Variants in PIBF1 observed in about 807,000 individuals in gnomAD.
PIBF1 encodes progesterone immunomodulatory binding factor 1.
A neutral mutation model predicts 112.5 loss-of-function variants in PIBF1; 90 were observed. The ratio of observed to expected loss-of-function variants is 0.80; its 90% confidence interval spans 0.67 to 0.95. The LOEUF is 0.95. PIBF1 is among the 40% of genes least tolerant of loss of function. The probability of loss-of-function intolerance (pLI) is 0.00; values close to 1 mark genes in which losing one functional copy is unlikely to be tolerated. For synonymous variants in PIBF1, 301 were observed against 288.6 expected (o/e 1.04, Z -0.44); for missense variants, 915 against 852.3 (o/e 1.07, Z -0.92).
At chr13:72,811,079 C>T (rs1300035227) in intron 5 of PIBF1, among the ~76,000 whole-genome samples, 2 of 152,088 alleles carry the variant, frequency 1.3e-5, no homozygotes, top group African/African-American at 4.8e-5. Flanking sequence ...CCAGGATGGT[C>T]TTGATCTCCT....
chr13:72,864,866 A>G (rs962356105), intron 10 of PIBF1, among the ~76,000 whole-genome samples: 11 of 152,184 alleles, frequency 7.2e-5, no homozygotes, highest in African/African-American at 1.9e-4. Context: ...CTGGTCCACA[A>G]TGAGTCATTT....
At chr13:72,856,656 C>T (rs2038435169) in intron 10 of PIBF1, among the ~76,000 whole-genome samples, 1 of 152,024 alleles carries the variant, frequency 6.6e-6, no homozygotes, top group Non-Finnish European at 1.5e-5. Flanking sequence ...TAACAAAATG[C>T]TTAAAATAGC....
intron 10 of PIBF1, among the ~76,000 whole-genome samples, chr13:72,867,698 A>C (rs1332373321): frequency 1.3e-5 from 2 of 152,228 alleles, no homozygotes; most frequent in Non-Finnish European, 1.5e-5. Context: ...TAAATTATAA[A>C]GAAGATCCAT....
intron 4 of PIBF1, 125 bp downstream of exon 4, chr13:72,795,682 A>G: frequency 3.1e-6 from 2 of 641,708 alleles, no homozygotes; most frequent in Non-Finnish European, 2.7e-6. Flanking sequence ...TGGATGGTGA[A>G]TGGTGTTGAG....
intron 16 of PIBF1, among the ~76,000 whole-genome samples, chr13:72,983,347 C>T (rs556967425): frequency 1.3e-5 from 2 of 152,278 alleles, no homozygotes; most frequent in Admixed American, 6.5e-5. Flanking sequence ...CTTCTATCCT[C>T]TCATTGCAGT....
chr13:72,805,042 C>T (rs767094347), intron 5 of PIBF1, among the ~76,000 whole-genome samples: 2 of 152,128 alleles, frequency 1.3e-5, no homozygotes, highest in Non-Finnish European at 2.9e-5. Context: ...GGTACAGTCT[C>T]GGCTCACTGG....
At position 72,965,269 on chromosome 13, in the gene PIBF1, T is replaced by G; in HGVS notation, c.1834-5T>G. On this transcript the variant is annotated splice_region_variant and splice_polypyrimidine_tract_variant and intron_variant, in intron 14 of 17. Coordinates refer to ENST00000326291, the MANE Select transcript of PIBF1 (RefSeq NM_006346.4). ...TAGATTTTAATGAAACCTGTGTTTCTTTAGCTTGACAGAGCCAATTCGCTA... is the reference window on the plus strand; with the variant it reads ...TAGATTTTAATGAAACCTGTGTTTCGTTAGCTTGACAGAGCCAATTCGCTA... 6.2e-7 allele frequency: 1 copy of G among 1,604,890 alleles called. No homozygotes were observed. The highest frequency in any genetic ancestry group is 8.5e-7 in the Non-Finnish European group (1 of 1,176,850).
chr13:72,856,440 C>A (rs999353352), intron 10 of PIBF1, among the ~76,000 whole-genome samples: 2 of 152,042 alleles, frequency 1.3e-5, no homozygotes, highest in Non-Finnish European at 2.9e-5. Context: ...CAATTTTCAG[C>A]CAACCTTAAA....
chr13:72,895,931 G>A (rs755367223), intron 11 of PIBF1, among the ~76,000 whole-genome samples: 1 of 152,080 alleles, frequency 6.6e-6, no homozygotes, highest in Admixed American at 6.5e-5. Flanking sequence ...CTGTTGTGTT[G>A]GGGGGAGCCA....
chr13:72,982,283 A>T (rs2043175593), intron 16 of PIBF1, among the ~76,000 whole-genome samples: 1 of 152,132 alleles, frequency 6.6e-6, no homozygotes, highest in South Asian at 2.1e-4. Context: ...AAAAAATATG[A>T]AAATTATCCA....
intron 10 of PIBF1, among the ~76,000 whole-genome samples, chr13:72,873,267 C>G (rs955428451): frequency 2.6e-5 from 4 of 151,890 alleles, no homozygotes; most frequent in Non-Finnish European, 5.9e-5. Flanking sequence ...TTCATACATA[C>G]AAAAATTAAT....
In PIBF1 at chr13:72,810,050, T is replaced by A. The variant is rs957438805; in HGVS notation, c.673-11799T>A. The stretch of plus-strand genomic sequence containing the variant: ...CTGGAAAATAGGGCTCATCTTTTAC[T>A]TCAAGTCCGGAGTTTATTTAAAAGT... On this transcript the variant is annotated intron_variant, in intron 5 of 17. Coordinates refer to ENST00000326291, the MANE Select transcript of PIBF1 (RefSeq NM_006346.4). Among the ~76,000 whole-genome samples the A allele has an allele frequency of 3.3e-5, 5 of 152,236 alleles. No homozygotes were observed. In the East Asian group the frequency reaches 9.6e-4, roughly 29 times the overall value.
In PIBF1 at chr13:72,973,950, A is replaced by G. The variant is rs545936158; in HGVS notation, c.2049+275A>G. 26 of 411,984 alleles carry G rather than the reference A, an allele frequency of 6.3e-5. 1 individual carries two copies. In the South Asian group the frequency reaches 2.0e-3, roughly 32 times the overall value. The allele number at this position is 411,984 out of a possible 1,614,324, so 25.5% of individuals were successfully genotyped here. On this transcript the variant is annotated intron_variant, in intron 16 of 17. Transcript: ENST00000326291. ...CTGTTTTATCTTATTCTGCAACTAG[A>G]CAGTTAATTTCCTTAGTGTGCCTCT... is the stretch of plus-strand genomic sequence containing the variant.
intron 11 of PIBF1, among the ~76,000 whole-genome samples, chr13:72,897,894 T>G (rs537084039): frequency 6.6e-6 from 1 of 152,314 alleles, no homozygotes; most frequent in Admixed American, 6.5e-5. Flanking sequence ...GAGAGGTCTT[T>G]AAGACAGAAA....
chr13:72,894,772 AG>A (rs2040205951), intron 11 of PIBF1, among the ~76,000 whole-genome samples: 1 of 137,218 alleles, frequency 7.3e-6, no homozygotes, highest in African/African-American at 2.8e-5. Flanking sequence ...ATATATATAT[AG>A]TGTGTGTGTG....
At chr13:72,950,381 G>C (rs1305807751) in intron 14 of PIBF1, among the ~76,000 whole-genome samples, 1 of 152,084 alleles carries the variant, frequency 6.6e-6, no homozygotes, top group African/African-American at 2.4e-5. Context: ...GAACTTTGTT[G>C]ACTTTTTTGA....
intron 10 of PIBF1, among the ~76,000 whole-genome samples, chr13:72,857,228 C>G (rs1021944298): frequency 6.6e-6 from 1 of 152,170 alleles, no homozygotes; most frequent in African/African-American, 2.4e-5. Flanking sequence ...TACCTCATAA[C>G]TTACACCAAG....
At chr13:72,970,662 T>A (rs1270222463) in intron 15 of PIBF1, 1 of 152,206 alleles carries the variant, frequency 6.6e-6, no homozygotes, top group Non-Finnish European at 1.5e-5. Flanking sequence ...GAGATTTGTT[T>A]TGTAGTTGTT....
chr13:73,008,718 G>T (rs895379581), intron 17 of PIBF1, among the ~76,000 whole-genome samples: 1 of 152,122 alleles, frequency 6.6e-6, no homozygotes, highest in Non-Finnish European at 1.5e-5. Flanking sequence ...AGAAGTCCTC[G>T]ATTTGCCCAC....
Sources: allele counts gnomAD v4.1 joint callset (sites outside exome capture counted in the v4.1 genomes callset), GRCh38; gene constraint gnomAD v4.1.1; transcripts MANE v1.5; gene names NCBI Gene and HGNC (gene_info 2026-07-23, HGNC 2026-07-21).